Variants in DENND5B observed in about 807,000 individuals in gnomAD.
The protein encoded by DENND5B is DENN domain containing 5B, also known as DENN domain-containing protein 5B.
Under a neutral mutation model 140.6 loss-of-function variants are expected in DENND5B, and 34 were observed. The ratio of observed to expected loss-of-function variants is 0.24; its 90% CI spans 0.18 to 0.32. The LOEUF is 0.32. Among genes scored for constraint, DENND5B ranks in the 10% least tolerant of loss-of-function variants. The pLI is 1.00. For synonymous variants in DENND5B, 551 were observed against 562.1 expected (o/e 0.98, Z 0.28); for missense variants, 1,142 against 1,560.2 (o/e 0.73, Z 4.52).
At chr12:31,507,960 TATTTATCC>T (rs1947267453) in intron 1 of DENND5B, among the ~76,000 whole-genome samples, 1 of 152,222 alleles carries the variant, frequency 6.6e-6, no homozygotes, top group South Asian at 2.1e-4. Context: ...CTATGGAAAT[TATTTATCC>T]AATGTATTTC....
chr12:31,552,703 T>C (rs980490867), intron 1 of DENND5B, among the ~76,000 whole-genome samples: 4 of 152,114 alleles, frequency 2.6e-5, no homozygotes, highest in Non-Finnish European at 5.9e-5. Context: ...GTCCTGGACT[T>C]TTTTTGGTTA....
rs533813867 is a variant in DENND5B, at chr12:31,469,562, A to T, written c.905-9181T>A. 1.0e-3 allele frequency among the ~76,000 whole-genome samples: 158 copies of T among 152,134 alleles called. 1 individual carries two copies. The highest frequency in any genetic ancestry group is 0.01 in the Middle Eastern group (3 of 294). The stretch of plus-strand genomic sequence containing the variant: ...CTTGAGTTCTGTGAATCATTCTGGG[A>T]ATTTATAGAACTTGAGGGGTTGGGG... On this transcript the variant is annotated intron_variant, in intron 3 of 20. Coordinates refer to ENST00000389082, the MANE Select transcript of DENND5B (RefSeq NM_144973.4).
At position 31,534,498 on chromosome 12, in the gene DENND5B, G is replaced by A. The variant is rs1393809723; in HGVS notation, c.128-38579C>T. On this transcript the variant is annotated intron_variant, in intron 1 of 20. Coordinates refer to ENST00000389082, the MANE Select transcript of DENND5B (RefSeq NM_144973.4). ...TAAAATTATCTCTGATAAAAATCACGAGCTCCACAAAAATAATTAAAGATA... is the reference window on the plus strand; with the variant it reads ...TAAAATTATCTCTGATAAAAATCACAAGCTCCACAAAAATAATTAAAGATA... Among the ~76,000 whole-genome samples the A allele has an allele frequency of 2.0e-5, 3 of 151,888 alleles. No homozygotes were observed. In the East Asian group the frequency reaches 5.8e-4, roughly 29 times the overall value.
At chr12:31,532,688 G>T (rs1311900662) in intron 1 of DENND5B, among the ~76,000 whole-genome samples, 1 of 152,136 alleles carries the variant, frequency 6.6e-6, no homozygotes, top group Non-Finnish European at 1.5e-5. Context: ...GATAAAATTA[G>T]ATATGGGGGA....
intron 1 of DENND5B, among the ~76,000 whole-genome samples, chr12:31,522,357 T>TCCC (rs1266724516): frequency 6.6e-6 from 1 of 152,186 alleles, no homozygotes; most frequent in African/African-American, 2.4e-5. Flanking sequence ...TTCATGTACC[T>TCCC]CCCTTTGAAA....
intron 17 of DENND5B, 42 bp downstream of exon 17, chr12:31,398,133 C>T: frequency 1.3e-6 from 2 of 1,525,852 alleles, no homozygotes; most frequent in Non-Finnish European, 1.8e-6. Flanking sequence ...CACATGAAGC[C>T]TACATCATAG....
chr12:31,445,949 C>T (rs1227996050), intron 6 of DENND5B, among the ~76,000 whole-genome samples: 16 of 150,628 alleles, frequency 1.1e-4, no homozygotes, highest in Admixed American at 1.1e-3. Flanking sequence ...GTTGAGGCTG[C>T]AGTGAGCCAT....
In DENND5B at chr12:31,447,675, A is replaced by G; in HGVS notation, c.1724T>C (p.Ile575Thr). 1 of 1,613,530 alleles carries G rather than the reference A, an allele frequency of 6.2e-7. No individual in the cohort carries two copies. The highest frequency in any genetic ancestry group is 8.5e-7 in the Non-Finnish European group (1 of 1,179,714). The change falls in exon 6 of 21, where the codon ATT becomes ACT. Residue 575 changes from isoleucine to threonine, a missense_variant. By Grantham distance (89) the Ile-to-Thr change is moderately conservative. Coordinates refer to ENST00000389082, the MANE Select transcript of DENND5B (RefSeq NM_144973.4). ...ATCTTTCTCTTCCCACTGAGACATA[A>G]TTTTATTATCAATAAAGGTGGCAAA... ...QMFATFIDNKIMSQWEEKDPL... is the reference protein window; with the variant it reads ...QMFATFIDNKTMSQWEEKDPL...
chr12:31,555,314 G>A (rs1278255022), intron 1 of DENND5B, among the ~76,000 whole-genome samples: 1 of 152,208 alleles, frequency 6.6e-6, no homozygotes, highest in African/African-American at 2.4e-5. Context: ...TTTGCTGGAG[G>A]TCCACTCCAG....
At chr12:31,398,806 C>A (rs1165153002) in intron 16 of DENND5B, among the ~76,000 whole-genome samples, 1 of 151,886 alleles carries the variant, frequency 6.6e-6, no homozygotes, top group Non-Finnish European at 1.5e-5. Flanking sequence ...TAAGCAATAG[C>A]AGCAAACATC....
At chr12:31,490,592 CAG>C (rs1238366816) in intron 2 of DENND5B, among the ~76,000 whole-genome samples, 1 of 148,224 alleles carries the variant, frequency 6.7e-6, no homozygotes, top group East Asian at 2.0e-4. Context: ...GTCTGGATGA[CAG>C]AGTCAGAACC....
chr12:31,532,443 G>A (rs137874522), intron 1 of DENND5B, among the ~76,000 whole-genome samples: 165 of 152,272 alleles, frequency 1.1e-3, no homozygotes, highest in African/African-American at 3.5e-3. Flanking sequence ...CACTGAGGTG[G>A]CTTTAAGTGG....
chr12:31,578,424 G>A (rs543525977), intron 1 of DENND5B, among the ~76,000 whole-genome samples: 8 of 152,270 alleles, frequency 5.3e-5, no homozygotes, highest in South Asian at 2.1e-4. Flanking sequence ...ATTCCTAAAA[G>A]GCTTTATTAA....
At chr12:31,413,992 C>T (rs1013544458) in intron 12 of DENND5B, among the ~76,000 whole-genome samples, 4 of 152,204 alleles carry the variant, frequency 2.6e-5, no homozygotes, top group African/African-American at 9.6e-5. Flanking sequence ...CACTGAATTA[C>T]TTTTCAAGTT....
At chr12:31,414,835 T>C (rs112913147) in intron 12 of DENND5B, among the ~76,000 whole-genome samples, 4,437 of 151,712 alleles carry the variant, frequency 0.029, 224 homozygotes, top group African/African-American at 0.1. Flanking sequence ...GGCAGAAGAA[T>C]TGCTTGAACC....
intron 1 of DENND5B, among the ~76,000 whole-genome samples, chr12:31,544,284 T>A (rs970682232): frequency 1.3e-5 from 2 of 152,196 alleles, no homozygotes; most frequent in Admixed American, 1.3e-4. Context: ...CATTTTTAAT[T>A]TTAATTTTTA....
At chr12:31,584,047 G>A (rs529790643) in intron 1 of DENND5B, among the ~76,000 whole-genome samples, 1 of 152,084 alleles carries the variant, frequency 6.6e-6, no homozygotes, top group Non-Finnish European at 1.5e-5. Context: ...AAGCTTTATG[G>A]AAATCATGAC....
At position 31,527,474 on chromosome 12, in the gene DENND5B, C is replaced by T. The variant is rs540044075; in HGVS notation, c.128-31555G>A. On this transcript the variant is annotated intron_variant, in intron 1 of 20. Coordinates refer to ENST00000389082, the MANE Select transcript of DENND5B (RefSeq NM_144973.4). ...CTGGAGACTTTCAAACAGAGGAATG[C>T]TGCGCTTTGAAAGAATCACTCCAGG... Among the ~76,000 whole-genome samples, 37 of 152,262 alleles carry T rather than the reference C, an allele frequency of 2.4e-4. No homozygotes were observed. The South Asian group carries it at 7.5e-3, about 31-fold the overall frequency.
intron 3 of DENND5B, among the ~76,000 whole-genome samples, chr12:31,471,037 T>C (rs1032872576): frequency 6.6e-6 from 1 of 152,176 alleles, no homozygotes; most frequent in African/African-American, 2.4e-5. Context: ...AAAAGTTAAA[T>C]ATAAAATCCC....
Sources: allele counts gnomAD v4.1 joint callset (sites outside exome capture counted in the v4.1 genomes callset), GRCh38; gene constraint gnomAD v4.1.1; transcripts MANE v1.5; gene names NCBI Gene and HGNC (gene_info 2026-07-23, HGNC 2026-07-21).